The following EPHB1 variants were observed in gnomAD, a reference collection of about 807,000 sequenced individuals.
EPHB1 encodes ephrin type-B receptor 1.
Under a neutral mutation model 94.4 loss-of-function variants are expected in EPHB1, and 30 were observed. That is an observed-to-expected ratio of 0.32 (90% CI 0.24 to 0.43). The LOEUF is 0.43. Among genes scored for constraint, EPHB1 ranks in the 20% least tolerant of loss-of-function variants. The pLI, the probability that EPHB1 is intolerant of heterozygous loss-of-function variation, is 1.00. For synonymous variants in EPHB1, 522 were observed against 489.1 expected (o/e 1.07, Z -0.89); for missense variants, 1,055 against 1,308.3 (o/e 0.81, Z 2.99).
chr3:135,009,266 T>A (rs932632024), intron 3 of EPHB1, among the ~76,000 whole-genome samples: 1 of 152,090 alleles, frequency 6.6e-6, no homozygotes, highest in Admixed American at 6.5e-5. Context: ...CCCAGAGCCA[T>A]GAGGAGGACA....
chr3:135,098,623 A>G (rs1938900181), intron 3 of EPHB1, among the ~76,000 whole-genome samples: 1 of 151,572 alleles, frequency 6.6e-6, no homozygotes, highest in African/African-American at 2.4e-5. Flanking sequence ...TTTTTTTTCT[A>G]GAATAAGTTT....
intron 12 of EPHB1, among the ~76,000 whole-genome samples, chr3:135,232,379 C>A (rs1043394108): frequency 3.9e-5 from 6 of 152,192 alleles, no homozygotes; most frequent in Non-Finnish European, 7.3e-5. Flanking sequence ...GAGGGCAGGC[C>A]CATCTGTGTG....
chr3:135,182,607 G>A (rs1020911464), intron 10 of EPHB1, among the ~76,000 whole-genome samples: 18 of 152,222 alleles, frequency 1.2e-4, no homozygotes, highest in African/African-American at 3.9e-4. Flanking sequence ...TGTTCTTGGA[G>A]GGGCTGAGCA....
At chr3:135,065,234 T>C (rs1315564438) in intron 3 of EPHB1, among the ~76,000 whole-genome samples, 2 of 152,150 alleles carry the variant, frequency 1.3e-5, no homozygotes, top group Non-Finnish European at 2.9e-5. Flanking sequence ...TCCAAGTGAA[T>C]AGTTTAAATC....
intron 3 of EPHB1, among the ~76,000 whole-genome samples, chr3:135,043,938 T>C (rs1250903592): frequency 6.6e-6 from 1 of 152,194 alleles, no homozygotes; most frequent in East Asian, 1.9e-4. Flanking sequence ...TGGAGCCTCC[T>C]GAAGACTCCA....
At chr3:134,895,788 T>C (rs1158920539) in intron 1 of EPHB1, among the ~76,000 whole-genome samples, 1 of 152,196 alleles carries the variant, frequency 6.6e-6, no homozygotes. Context: ...CGAGCCAGGT[T>C]TATCTTCTGC....
chr3:134,860,604 G>A (rs561291465), intron 1 of EPHB1, among the ~76,000 whole-genome samples: 17 of 152,220 alleles, frequency 1.1e-4, no homozygotes, highest in African/African-American at 4.1e-4. Flanking sequence ...CACGATGTCA[G>A]GAGATCAAGA....
chr3:134,830,177 A>T (rs979417004), intron 1 of EPHB1, among the ~76,000 whole-genome samples: 21 of 152,130 alleles, frequency 1.4e-4, no homozygotes, highest in Admixed American at 1.1e-3. Context: ...TATACATGTA[A>T]TTGTTCTTTT....
chr3:135,011,584 C>T (rs1401805056), intron 3 of EPHB1, among the ~76,000 whole-genome samples: 4 of 152,190 alleles, frequency 2.6e-5, no homozygotes, highest in Admixed American at 2.0e-4. Flanking sequence ...CTGCTTCATA[C>T]TCTGTTCTGG....
chr3:134,867,449 G>A (rs1276136966), intron 1 of EPHB1, among the ~76,000 whole-genome samples: 6 of 152,136 alleles, frequency 3.9e-5, no homozygotes, highest in Admixed American at 1.3e-4. Context: ...GGAGTGGAGC[G>A]TGTAGGAGCT....
At chr3:134,845,034 C>T (rs1269452966) in intron 1 of EPHB1, among the ~76,000 whole-genome samples, 7 of 152,196 alleles carry the variant, frequency 4.6e-5, no homozygotes, top group Admixed American at 6.5e-5. Context: ...CAAGCAGGTG[C>T]CCAACAAATG....
chr3:134,796,389 C>T (rs1356629142), intron 1 of EPHB1: 1 of 152,662 alleles, frequency 6.6e-6, no homozygotes, highest in Non-Finnish European at 1.5e-5. Flanking sequence ...CAGGAGTGGG[C>T]TGGGGTGAGT....
intron 3 of EPHB1, among the ~76,000 whole-genome samples, chr3:135,034,236 T>C (rs928088486): frequency 1.6e-4 from 24 of 152,208 alleles, no homozygotes; most frequent in Non-Finnish European, 4.4e-5. Context: ...GAATCCACTA[T>C]GCAAAGATAT....
chr3:134,955,105 A>ATTTTTTTTTTTTTTTTTTTTTTTTTT (rs1174011769), intron 3 of EPHB1, among the ~76,000 whole-genome samples: 45 of 24,124 alleles, frequency 1.9e-3, no homozygotes, highest in Admixed American at 5.5e-3. Flanking sequence ...TTTTTTTTTA[A>ATTTTTTTTTTTTTTTTTTTTTTTTTT]TTTTTTTTTT....
rs1236665577 is a variant in EPHB1, at chr3:134,951,536, A to T, written c.289A>T (p.Ser97Cys). The T allele has an allele frequency of 6.2e-7, 1 of 1,613,934 alleles. No individual in the cohort carries two copies. Among genetic ancestry groups the T allele is most frequent in the Non-Finnish European group, 8.5e-7 (1 of 1,179,858 alleles). The stretch of plus-strand genomic sequence containing the variant: ...GATGCGCTTCACTGTGAGAGACTGC[A>T]GCAGCCTCCCTAATGTCCCAGGATC... ...TEMRFTVRDC[S>C]SLPNVPGSCK... The change falls in exon 3 of 16, where the codon AGC becomes TGC. Residue 97 changes from serine (S) to cysteine (C), a missense_variant. Physicochemically the swap from Ser to Cys is moderately radical, Grantham distance 112. Coordinates refer to ENST00000398015, the MANE Select transcript of EPHB1 (RefSeq NM_004441.5). This position sits in a 1 kb window ranked among gnomAD's most constrained non-coding sequence, Gnocchi z 4.5.
At chr3:134,882,307 TGA>T (rs1313550779) in intron 1 of EPHB1, among the ~76,000 whole-genome samples, 2 of 152,226 alleles carry the variant, frequency 1.3e-5, no homozygotes, top group South Asian at 2.1e-4. Flanking sequence ...AACCAAAATG[TGA>T]GAGAGAAATA....
chr3:134,869,995 T>G (rs576039479), intron 1 of EPHB1, among the ~76,000 whole-genome samples: 1 of 152,236 alleles, frequency 6.6e-6, no homozygotes, highest in Non-Finnish European at 1.5e-5. Flanking sequence ...TGCAGGGCTG[T>G]GAGCACTGGG....
intron 1 of EPHB1, among the ~76,000 whole-genome samples, chr3:134,849,515 A>T (rs952380903): frequency 3.3e-5 from 5 of 152,150 alleles, no homozygotes; most frequent in African/African-American, 1.2e-4. Flanking sequence ...CCCTGGGAAG[A>T]GGGTGTTTGG....
intron 1 of EPHB1, among the ~76,000 whole-genome samples, chr3:134,924,475 A>G (rs1179484592): frequency 2.0e-5 from 3 of 152,244 alleles, no homozygotes; most frequent in African/African-American, 7.2e-5. Flanking sequence ...ACAAATAAGT[A>G]TGTGACAAGA....
Sources: gnomAD v4.1 joint callset for allele counts (sites outside exome capture counted in the v4.1 genomes callset) on GRCh38, gnomAD v4.1.1 for gene constraint, Gnocchi (gnomAD v3.1) non-coding constraint, MANE v1.5 for transcripts, NCBI Gene and HGNC (gene_info 2026-07-23, HGNC 2026-07-21) for gene names.